The following TBC1D19 variants were observed in gnomAD, a reference collection of about 807,000 sequenced individuals.
TBC1D19 encodes TBC1 domain family member 19.
A neutral mutation model predicts 89.0 loss-of-function variants in TBC1D19; 60 were observed. That is an observed-to-expected ratio of 0.67 (90% CI 0.55 to 0.84). The LOEUF (loss-of-function observed/expected upper bound fraction) is 0.84. Ranked by LOEUF, TBC1D19 falls within the 40% of genes least tolerant of loss-of-function variation. The pLI, the probability that TBC1D19 is intolerant of heterozygous loss-of-function variation, is 0.00. For missense variants in TBC1D19, 500 were observed against 610.8 expected (o/e 0.82, Z 1.91); for synonymous variants, 189 against 199.7 (o/e 0.95, Z 0.45).
At chr4:26,820,116 T>C in the TBC1D19 span, among the ~76,000 whole-genome samples, 1 of 152,216 alleles carries the variant, frequency 6.6e-6, no homozygotes, top group African/African-American at 2.4e-5. Context: ...TGTAGAAAGA[T>C]TCATTCAAGC....
the TBC1D19 span, among the ~76,000 whole-genome samples, chr4:26,852,706 G>A: frequency 6.6e-6 from 1 of 151,716 alleles, no homozygotes; most frequent in Non-Finnish European, 1.5e-5. Flanking sequence ...TGCAACCTCT[G>A]CCTCCCGGGT....
chr4:26,837,471 G>A, the TBC1D19 span, among the ~76,000 whole-genome samples: 1 of 152,196 alleles, frequency 6.6e-6, no homozygotes, highest in Non-Finnish European at 1.5e-5. Context: ...GGGCCCCTAG[G>A]AGATGTCAGG....
At chr4:26,826,771 C>G in the TBC1D19 span, among the ~76,000 whole-genome samples, 1 of 152,148 alleles carries the variant, frequency 6.6e-6, no homozygotes, top group Non-Finnish European at 1.5e-5. Context: ...GTTACTGCCC[C>G]GGTGGCGGGT....
chr4:26,735,870 G>A (rs2109306429), intron 16 of TBC1D19, among the ~76,000 whole-genome samples: 1 of 151,720 alleles, frequency 6.6e-6, no homozygotes, highest in East Asian at 1.9e-4. Context: ...CAGTTAGAAT[G>A]GCAATCATTA....
chr4:26,717,114 T>C, intron 13 of TBC1D19, among the ~76,000 whole-genome samples: 1 of 152,122 alleles, frequency 6.6e-6, no homozygotes, highest in East Asian at 1.9e-4. Context: ...TCCCCTTTCT[T>C]GTGTCTTGGA....
intron 12 of TBC1D19, among the ~76,000 whole-genome samples, 157 bp from the exon 13 acceptor site, chr4:26,688,188 T>C (rs1483205710): frequency 6.6e-6 from 1 of 152,162 alleles, no homozygotes; most frequent in African/African-American, 2.4e-5. Flanking sequence ...ATATATTAGT[T>C]CAGTAAATAC....
chr4:26,625,222 G>A (rs1315054949), intron 4 of TBC1D19, among the ~76,000 whole-genome samples: 1 of 152,022 alleles, frequency 6.6e-6, no homozygotes, highest in African/African-American at 2.4e-5. Context: ...TTCTTATTCT[G>A]TATCAGCATT....
chr4:26,821,752 G>A, the TBC1D19 span, among the ~76,000 whole-genome samples: 1 of 152,192 alleles, frequency 6.6e-6, no homozygotes, highest in East Asian at 1.9e-4. Context: ...GCTCACCGTG[G>A]TCATGCTGGA....
chr4:26,827,712 G>GT, the TBC1D19 span, among the ~76,000 whole-genome samples: 32 of 114,560 alleles, frequency 2.8e-4, no homozygotes, highest in South Asian at 1.6e-3. Flanking sequence ...TTTGTTTTTT[G>GT]TTTTGTTTTT....
At chr4:26,655,328 C>G (rs762112740) in intron 7 of TBC1D19, among the ~76,000 whole-genome samples, 12 of 152,232 alleles carry the variant, frequency 7.9e-5, no homozygotes, top group Non-Finnish European at 1.6e-4. Context: ...CAGGGACCCA[C>G]TTGAGGAGGC....
rs557900368 is a variant in TBC1D19, at chr4:26,739,796, A to T, written c.1118-68A>T. ...CTATAAAATAGTGATTTATTATGAC[A>T]TATTTTATAAATTTATCTTAACATT... On this transcript the variant is annotated intron_variant, in intron 16 of 20. Transcript: ENST00000264866. 195 of 881,140 alleles carry T rather than the reference A, an allele frequency of 2.2e-4. 2 individuals carry two copies. The African/African-American group carries it at 3.1e-3, about 14-fold the overall frequency. 54.6% of individuals were successfully genotyped at this position (881,140 alleles called of 1,614,324 possible).
chr4:26,774,430 G>A, the TBC1D19 span, among the ~76,000 whole-genome samples: 2 of 152,098 alleles, frequency 1.3e-5, no homozygotes, highest in African/African-American at 4.8e-5. Flanking sequence ...CATGAACATG[G>A]TATATCTCTC....
intron 13 of TBC1D19, among the ~76,000 whole-genome samples, chr4:26,701,175 T>C (rs1715296361): frequency 6.6e-6 from 1 of 152,198 alleles, no homozygotes; most frequent in South Asian, 2.1e-4. Flanking sequence ...CTATTTTTAC[T>C]TCATTTCTCA....
the TBC1D19 span, among the ~76,000 whole-genome samples, chr4:26,786,753 CTGGATGGATGGATGGATGGA>C: frequency 1.2e-5 from 1 of 85,682 alleles, no homozygotes; most frequent in African/African-American, 3.6e-5. Flanking sequence ...GGGTGGATGC[CTGGATGGATGGATGGATGGA>C]TGGATGGATG....
intron 15 of TBC1D19, among the ~76,000 whole-genome samples, chr4:26,735,162 A>ATT: frequency 6.6e-6 from 1 of 151,722 alleles, no homozygotes; most frequent in Admixed American, 6.6e-5. Flanking sequence ...GTATGTGTAT[A>ATT]TGTATGTACA....
rs762376943 is a variant in TBC1D19 at position 26,666,338 on chromosome 4, A to G, written c.597A>G (p.Glu199=). Residue 199 remains glutamate, a synonymous_variant, in exon 9 of 21, where the codon GAA becomes GAG. Coordinates refer to ENST00000264866, the MANE Select transcript of TBC1D19 (RefSeq NM_018317.4). ...LKVKDIPELK[E]CFVELGLNIG... ...CTACGTATGTTATTTTTCAGAAAGA[A>G]TGCTTTGTGGAACTTGGCTTAAATA... 24 of 1,610,654 alleles carry G rather than the reference A, an allele frequency of 1.5e-5. No individual in the cohort carries two copies. The Admixed American group carries it at 1.5e-4, about 10-fold the overall frequency.
rs867247706 is a variant in TBC1D19 at position 26,660,523 on chromosome 4, C to T, written c.591+816C>T. Among the ~76,000 whole-genome samples the T allele has an allele frequency of 7.2e-5, 11 of 152,128 alleles. No homozygotes were observed. The South Asian group carries it at 8.3e-4, about 11-fold the overall frequency. On this transcript the variant is annotated intron_variant, in intron 8 of 20. Transcript: ENST00000264866. Reference sequence around the variant, plus strand: ...TTGCTCTGCTTTATCATGCTGGAGCCGGACCCTATAAACGTTTCCCCTTTG... The same window carrying T: ...TTGCTCTGCTTTATCATGCTGGAGCTGGACCCTATAAACGTTTCCCCTTTG...
At position 26,584,192 on chromosome 4, in the gene TBC1D19, A is replaced by C. The variant is rs1256698522; in HGVS notation, c.-2A>C. 1.2e-6 allele frequency: 2 copies of C among 1,604,894 alleles called. No homozygotes were observed. Among genetic ancestry groups the C allele is most frequent in the African/African-American group, 2.7e-5 (2 of 74,840 alleles). ...GCGGCTTGGCGGGCTAGGGCAGGGG[A>C]AATGTTGCAGGAGGAGTCGGACCTC... is the stretch of plus-strand genomic sequence containing the variant. On this transcript the variant is annotated 5_prime_UTR_variant, in exon 1 of 21. Coordinates refer to ENST00000264866, the MANE Select transcript of TBC1D19 (RefSeq NM_018317.4).
chr4:26,851,915 T>A, the TBC1D19 span, among the ~76,000 whole-genome samples: 1 of 152,250 alleles, frequency 6.6e-6, no homozygotes, highest in Non-Finnish European at 1.5e-5. Flanking sequence ...GCATGGAGGA[T>A]GAGACAGAAA....
Sources: gnomAD v4.1 joint callset for allele counts (sites outside exome capture counted in the v4.1 genomes callset) on GRCh38, gnomAD v4.1.1 for gene constraint, MANE v1.5 for transcripts, NCBI Gene and HGNC (gene_info 2026-07-23, HGNC 2026-07-21) for gene names.